FAM120AOS: variants seen among roughly 807,000 people sequenced by gnomAD.
FAM120AOS encodes the protein uncharacterized protein FAM120AOS.
Under a neutral mutation model 20.2 loss-of-function variants are expected in FAM120AOS, and 15 were observed. That is an observed-to-expected ratio of 0.74 (90% CI 0.50 to 1.15). FAM120AOS has a LOEUF of 1.15. Ranked by LOEUF, FAM120AOS falls within the 50% of genes most tolerant of loss-of-function variation. The probability of loss-of-function intolerance (pLI) is 0.00; values close to 1 mark genes in which losing one functional copy is unlikely to be tolerated. For synonymous variants in FAM120AOS, 154 were observed against 154.0 expected, an observed-to-expected ratio of 1.00 and a Z score of 0.00; for missense variants, 327 against 351.9, an observed-to-expected ratio of 0.93 and a Z score of 0.57.
intron 1 of FAM120AOS, chr9:93,451,882 C>G (rs1857239756): frequency 8.2e-7 from 1 of 1,212,202 alleles, no homozygotes; most frequent in African/African-American, 1.6e-5. Context: ...CGCCGCCCCC[C>G]GCCCGCACCC....
Position 93,447,548 on chromosome 9 carries a change from A to G in FAM120AOS, c.*63T>C. The G allele has an allele frequency of 1.4e-6, 2 of 1,401,588 alleles. No homozygotes were observed. The highest frequency in any genetic ancestry group is 1.2e-5 in the South Asian group (1 of 84,594). The allele number at this position is 1,401,588 out of a possible 1,614,324, so 86.8% of individuals were successfully genotyped here. ...TGGTGAATAGAGCATTTTCCCTCAC[A>G]CGATGGGTATCAGGGTGGTTTCTTG... On this transcript the variant is annotated 3_prime_UTR_variant, in exon 3 of 3. Coordinates refer to ENST00000375412, the MANE Select transcript of FAM120AOS (RefSeq NM_198841.4).
chr9:93,451,693 CGCAGCGGCG>C (rs905814695), intron 1 of FAM120AOS: 114 of 985,082 alleles, frequency 1.2e-4, no homozygotes, highest in South Asian at 3.2e-4. Context: ...GCCTCGGCCT[CGCAGCGGCG>C]GCAGCGGCGG....
chr9:93,451,346 C>T (rs138298268), intron 1 of FAM120AOS: 2 of 1,430,084 alleles, frequency 1.4e-6, no homozygotes, highest in Admixed American at 2.9e-5. Context: ...TCGCGGCTTC[C>T]CTTCGCCCGA....
In FAM120AOS at chr9:93,445,583, GTTT is replaced by G. The variant is rs71364380; in HGVS notation, c.*2025_*2027del. Among the ~76,000 whole-genome samples the G allele has an allele frequency of 1.0e-4, 8 of 80,096 alleles. No individual in the cohort carries two copies. The highest frequency in any genetic ancestry group is 1.7e-4 in the Admixed American group (1 of 5,878). The allele number at this position is 80,096 out of a possible 152,430, so 52.5% of individuals were successfully genotyped here. ...TTCTCCAACTTTCATAAAAATCGTTGTTTTTTTTTTTTTTTTTTTTTTTTGAGA... is the reference window on the plus strand; with the variant it reads ...TTCTCCAACTTTCATAAAAATCGTTGTTTTTTTTTTTTTTTTTTTTTGAGA... On this transcript the variant is annotated 3_prime_UTR_variant, in exon 3 of 3. Coordinates refer to ENST00000375412, the MANE Select transcript of FAM120AOS (RefSeq NM_198841.4).
rs1184066237 is a variant in FAM120AOS, at chr9:93,444,991, TTAAA to T, written c.*2616_*2619del. 6.6e-6 allele frequency among the ~76,000 whole-genome samples: 1 copy of T among 152,192 alleles called. No individual in the cohort carries two copies. The highest frequency in any genetic ancestry group is 1.5e-5 in the Non-Finnish European group (1 of 68,038). ...ATAATAATAAAGTGAATTTGTGGTA[TTAAA>T]TAAATGGAAAAAAAGACAAACGGTA... On this transcript the variant is annotated 3_prime_UTR_variant, in exon 3 of 3. Coordinates refer to ENST00000375412, the MANE Select transcript of FAM120AOS (RefSeq NM_198841.4).
In FAM120AOS at chr9:93,451,432, C is replaced by G. The variant is rs1366299024; in HGVS notation, c.563+715G>C. On this transcript the variant is annotated intron_variant, in intron 1 of 2. Coordinates refer to ENST00000375412, the MANE Select transcript of FAM120AOS (RefSeq NM_198841.4). ...GCAGGGGAGGGGAGCGGCGGCCGAC[C>G]GGCCTGAGGCGGGCGAACGGCCTCT... is the stretch of plus-strand genomic sequence containing the variant. 4.0e-6 allele frequency: 5 copies of G among 1,263,232 alleles called. No individual in the cohort carries two copies. In the East Asian group the frequency reaches 1.4e-4, roughly 36 times the overall value. 78.3% of individuals were successfully genotyped at this position (1,263,232 alleles called of 1,614,324 possible).
chr9:93,447,779 A>G, intron 2 of FAM120AOS, 82 bp from the exon 3 acceptor site: 1 of 1,211,654 alleles, frequency 8.3e-7, no homozygotes, highest in Non-Finnish European at 1.2e-6. Flanking sequence ...GAGTCCGAAT[A>G]TTGATCTCTG....
At chr9:93,450,660 A>G (rs1857103944) in intron 1 of FAM120AOS, 61 bp from the exon 2 acceptor site, 1 of 1,599,474 alleles carries the variant, frequency 6.3e-7, no homozygotes, top group South Asian at 1.1e-5. Flanking sequence ...TAAAACTTTT[A>G]GAGTGCTGGG....
chr9:93,450,048 G>A (rs2131141078), intron 2 of FAM120AOS, among the ~76,000 whole-genome samples: 1 of 151,768 alleles, frequency 6.6e-6, no homozygotes, highest in East Asian at 2.0e-4. Flanking sequence ...GTGCAGTGGT[G>A]CCATCTCCGC....
In FAM120AOS at chr9:93,451,352, C is replaced by T. The variant is rs549298441; in HGVS notation, c.564-753G>A. ...GGACCTGCTTCGCGGCTTCCCTTCG[C>T]CCGAGAACCACCGGGCGGAGGCGGC... On this transcript the variant is annotated intron_variant, in intron 1 of 2. Transcript: ENST00000375412. The T allele has an allele frequency of 2.0e-3, 2,874 of 1,427,406 alleles. 54 individuals are homozygous for T. The African/African-American group carries it at 0.036, about 18-fold the overall frequency. The allele number at this position is 1,427,406 out of a possible 1,614,324, so 88.4% of individuals were successfully genotyped here.
In FAM120AOS at chr9:93,452,621, G is replaced by T. The variant is rs898076828; in HGVS notation, c.89C>A (p.Thr30Lys). The T allele has an allele frequency of 6.3e-7, 1 of 1,599,258 alleles. No homozygotes were observed. The change falls in exon 1 of 3, where the codon ACG (threonine) becomes AAG (lysine). Residue 30 changes from threonine (T) to lysine (K), a missense_variant. This residue lies in a region of FAM120AOS where 155 missense variants were observed against 128.8 expected (regional missense o/e 1.20). Transcript: ENST00000375412. The surrounding 1 kb of genome is among the most constrained non-coding windows in gnomAD (Gnocchi z 7.0). ...GTCCCTGTTCGGGGTCCGCGGCCGC[G>T]TGGGGACACTTGAGGGCTGGGAGAG... The part of the protein sequence containing the change: ...GALSQPSSVP[T>K]RPRTPNRDSW...
In FAM120AOS at chr9:93,444,958, T is replaced by C. The variant is rs1020233433; in HGVS notation, c.*2653A>G. ...GAATCTTTGTGAGAAGATGTAGATA[T>C]TGGCTTCATAATAATAAAGTGAATT... On this transcript the variant is annotated 3_prime_UTR_variant, in exon 3 of 3. Transcript: ENST00000375412. Among the ~76,000 whole-genome samples, 7 of 152,176 alleles carry C rather than the reference T, an allele frequency of 4.6e-5. No homozygotes were observed. The highest frequency in any genetic ancestry group is 2.6e-4 in the Admixed American group (4 of 15,274).
chr9:93,451,666 C>T (rs1857210583), intron 1 of FAM120AOS: 2 of 979,236 alleles, frequency 2.0e-6, no homozygotes, highest in Non-Finnish European at 1.2e-6. Context: ...CCGCCCCGGC[C>T]CTCAGCCTCG....
intron 2 of FAM120AOS, among the ~76,000 whole-genome samples, chr9:93,448,046 C>T (rs1283249394): frequency 3.9e-5 from 6 of 152,184 alleles, no homozygotes; most frequent in Admixed American, 6.5e-5. Context: ...CTTCCATGAT[C>T]GCAGACTCCC....
intron 2 of FAM120AOS, 102 bp downstream of exon 2, chr9:93,450,377 T>C: frequency 1.4e-6 from 2 of 1,475,970 alleles, no homozygotes; most frequent in East Asian, 4.7e-5. Flanking sequence ...TGCTTTTAAA[T>C]GTAACTTCCT....
At chr9:93,448,178 C>A (rs1371529362) in intron 2 of FAM120AOS, among the ~76,000 whole-genome samples, 1 of 152,140 alleles carries the variant, frequency 6.6e-6, no homozygotes, top group Non-Finnish European at 1.5e-5. Flanking sequence ...TGGTTAGATA[C>A]CTCACCTAAG....
chr9:93,450,860 G>C, intron 1 of FAM120AOS: 1 of 906,330 alleles, frequency 1.1e-6, no homozygotes, highest in Non-Finnish European at 1.8e-6. Flanking sequence ...TCCCTCAGAA[G>C]AGCTGGGAGA....
intron 1 of FAM120AOS, chr9:93,451,826 C>A (rs1185335664): frequency 2.6e-5 from 25 of 968,042 alleles, no homozygotes; most frequent in Admixed American, 6.4e-5. Context: ...CCGCCGCCCC[C>A]GCCCGCCAGC....
intron 1 of FAM120AOS, chr9:93,451,402 A>T: frequency 7.3e-7 from 1 of 1,374,412 alleles, no homozygotes; most frequent in Non-Finnish European, 9.4e-7. Context: ...TGCCGGGAAC[A>T]GGGCGCAGGG....
Sources: allele counts gnomAD v4.1 joint callset (sites outside exome capture counted in the v4.1 genomes callset), GRCh38; gene constraint gnomAD v4.1.1; regional missense constraint gnomAD v4.1.1; non-coding constraint Gnocchi (gnomAD v3.1); transcripts MANE v1.5; gene names NCBI Gene and HGNC (gene_info 2026-07-23, HGNC 2026-07-21).